Variants in ADAMTS19 observed in about 807,000 individuals in gnomAD.
ADAMTS19 encodes the protein ADAM metallopeptidase with thrombospondin type 1 motif 19.
Under a neutral mutation model 153.3 loss-of-function variants are expected in ADAMTS19, and 93 were observed. The ratio of observed to expected loss-of-function variants is 0.61; its 90% CI spans 0.51 to 0.72. The LOEUF is 0.72. Among genes scored for constraint, ADAMTS19 ranks in the 30% least tolerant of loss-of-function variants. ADAMTS19 has a pLI of 0.00. For missense variants in ADAMTS19, 1,482 were observed against 1,552.1 expected (o/e 0.95, Z 0.76); for synonymous variants, 600 against 556.6 (o/e 1.08, Z -1.10).
intron 8 of ADAMTS19, among the ~76,000 whole-genome samples, chr5:129,608,773 G>C (rs1751050591): frequency 6.7e-6 from 1 of 149,668 alleles, no homozygotes. Context: ...CTCAAACCTG[G>C]GAGGCAGAGG....
At position 129,694,962 on chromosome 5, in the gene ADAMTS19, CA is replaced by C. The variant is rs1356941133; in HGVS notation, c.2954+110del. ...AATCACATTTTCTTAAAAACATTGCCAAAGGATACGTACCAAAATTTAAAGT... is the reference window on the plus strand; with the variant it reads ...AATCACATTTTCTTAAAAACATTGCCAAGGATACGTACCAAAATTTAAAGT... On this transcript the variant is annotated intron_variant, in intron 19 of 22. Coordinates refer to ENST00000274487, the MANE Select transcript of ADAMTS19 (RefSeq NM_133638.6). 2.7e-5 allele frequency: 34 copies of C among 1,247,392 alleles called. No homozygotes were observed. In the South Asian group the frequency reaches 6.5e-4, roughly 24 times the overall value. 77.3% of individuals were successfully genotyped at this position (1,247,392 alleles called of 1,614,324 possible). A position where few individuals can be genotyped will look rare whatever the true frequency, so the allele number is the denominator to read the frequency against.
chr5:129,528,922 TC>T (rs1416300737), intron 6 of ADAMTS19, among the ~76,000 whole-genome samples: 2 of 152,226 alleles, frequency 1.3e-5, no homozygotes, highest in African/African-American at 4.8e-5. Context: ...ATTTTTGACC[TC>T]AAAGGCATAG....
At chr5:129,625,603 G>A (rs1751998073) in intron 10 of ADAMTS19, among the ~76,000 whole-genome samples, 1 of 152,110 alleles carries the variant, frequency 6.6e-6, no homozygotes, top group Non-Finnish European at 1.5e-5. Context: ...GTGATAATGA[G>A]CATTTTTTCA....
intron 16 of ADAMTS19, among the ~76,000 whole-genome samples, chr5:129,666,372 T>C (rs1033589746): frequency 1.3e-5 from 2 of 152,142 alleles, no homozygotes; most frequent in African/African-American, 4.8e-5. Context: ...ACACTGTGTT[T>C]GTATTATCTT....
intron 3 of ADAMTS19, among the ~76,000 whole-genome samples, chr5:129,512,966 T>G (rs756197320): frequency 2.0e-5 from 3 of 152,000 alleles, no homozygotes; most frequent in African/African-American, 4.8e-5. Flanking sequence ...GAAGCCAATG[T>G]GGGTTCAGCT....
At chr5:129,684,541 A>AT (rs1754986060) in intron 18 of ADAMTS19, among the ~76,000 whole-genome samples, 1 of 151,896 alleles carries the variant, frequency 6.6e-6, no homozygotes, top group Non-Finnish European at 1.5e-5. Context: ...ATTACATTAC[A>AT]TAAGTATTAA....
chr5:129,724,009 A>C (rs1285586158), intron 21 of ADAMTS19, among the ~76,000 whole-genome samples: 3 of 152,206 alleles, frequency 2.0e-5, no homozygotes, highest in African/African-American at 7.2e-5. Flanking sequence ...GTCTAGGTTA[A>C]GATAAGGGGT....
At chr5:129,610,864 C>G (rs1751176977) in intron 8 of ADAMTS19, among the ~76,000 whole-genome samples, 1 of 152,216 alleles carries the variant, frequency 6.6e-6, no homozygotes. Flanking sequence ...GGAATCGCCA[C>G]ACTGTCTTCC....
intron 9 of ADAMTS19, among the ~76,000 whole-genome samples, chr5:129,621,574 C>T (rs1171230146): frequency 6.6e-6 from 1 of 152,132 alleles, no homozygotes; most frequent in African/African-American, 2.4e-5. Context: ...GAGAAGAGCA[C>T]TCAGAGCATG....
intron 21 of ADAMTS19, among the ~76,000 whole-genome samples, chr5:129,713,731 A>G (rs953260990): frequency 4.0e-5 from 6 of 151,818 alleles, no homozygotes; most frequent in African/African-American, 1.5e-4. Context: ...ACTGCACTCT[A>G]GCCTGGGAAT....
At chr5:129,535,794 A>G (rs1196759197) in intron 6 of ADAMTS19, among the ~76,000 whole-genome samples, 2 of 152,330 alleles carry the variant, frequency 1.3e-5, no homozygotes, top group South Asian at 2.1e-4. Context: ...CAAACCTGAC[A>G]AAGACAAGCA....
In ADAMTS19 at chr5:129,551,879, G is replaced by A; in HGVS notation, c.1344G>A (p.Val448=). The A allele has an allele frequency of 6.3e-7, 1 of 1,577,668 alleles. No individual in the cohort carries two copies. Among genetic ancestry groups the A allele is most frequent in the Non-Finnish European group, 8.6e-7 (1 of 1,163,690 alleles). The part of the protein sequence containing the change: ...AILITRKDFC[V]HKDEPCDTVG... Reference sequence around the variant, plus strand: ...TTCTTTCTAGGAAAGATTTCTGTGTGCACAAAGATGAACCATGTGATACTG... The same window carrying A: ...TTCTTTCTAGGAAAGATTTCTGTGTACACAAAGATGAACCATGTGATACTG... Residue 448 remains valine (V), a synonymous_variant, in exon 7 of 23, where the codon GTG becomes GTA. Coordinates refer to ENST00000274487, the MANE Select transcript of ADAMTS19 (RefSeq NM_133638.6).
chr5:129,538,190 A>G (rs184752019), intron 6 of ADAMTS19, among the ~76,000 whole-genome samples: 2 of 152,210 alleles, frequency 1.3e-5, no homozygotes, highest in Non-Finnish European at 2.9e-5. Context: ...AATATATATT[A>G]CAGAAAACTG....
At chr5:129,697,592 G>A (rs1376963315) in intron 19 of ADAMTS19, among the ~76,000 whole-genome samples, 1 of 152,210 alleles carries the variant, frequency 6.6e-6, no homozygotes, top group African/African-American at 2.4e-5. Context: ...GCATAAGTGT[G>A]TGAACCAGTA....
intron 8 of ADAMTS19, among the ~76,000 whole-genome samples, chr5:129,611,640 T>C (rs1238555681): frequency 6.6e-6 from 1 of 152,178 alleles, no homozygotes; most frequent in East Asian, 1.9e-4. Context: ...TCTGTTCCAT[T>C]GGTCTATATC....
At chr5:129,482,292 C>G (rs1750440247) in intron 2 of ADAMTS19, among the ~76,000 whole-genome samples, 1 of 152,072 alleles carries the variant, frequency 6.6e-6, no homozygotes, top group South Asian at 2.1e-4. Context: ...CTCTTCACTT[C>G]TCTCACCCAA....
intron 10 of ADAMTS19, among the ~76,000 whole-genome samples, chr5:129,633,750 G>A (rs1752411836): frequency 6.6e-6 from 1 of 152,132 alleles, no homozygotes; most frequent in Non-Finnish European, 1.5e-5. Context: ...CTCATCTATT[G>A]TAGGCAGCAG....
chr5:129,652,769 A>C (rs1753373523), intron 13 of ADAMTS19, among the ~76,000 whole-genome samples: 1 of 152,222 alleles, frequency 6.6e-6, no homozygotes, highest in Admixed American at 6.5e-5. Flanking sequence ...AATATTATTT[A>C]TTCATATATC....
intron 2 of ADAMTS19, among the ~76,000 whole-genome samples, chr5:129,481,659 A>T (rs1156863303): frequency 6.6e-6 from 1 of 152,206 alleles, no homozygotes; most frequent in Non-Finnish European, 1.5e-5. Context: ...CATTTCACCT[A>T]GTCTGACAGT....
Sources: allele counts gnomAD v4.1 joint callset (sites outside exome capture counted in the v4.1 genomes callset), GRCh38; gene constraint gnomAD v4.1.1; transcripts MANE v1.5; gene names NCBI Gene and HGNC (gene_info 2026-07-23, HGNC 2026-07-21).